Variants in SDK1 observed in about 807,000 individuals in gnomAD.
SDK1 encodes the protein sidekick cell adhesion molecule 1.
In SDK1, 157 loss-of-function variants were observed where a neutral mutation model predicts 245.5. The observed-to-expected ratio is 0.64, with a 90% CI of 0.56 to 0.73. The LOEUF is 0.73. SDK1 is among the 30% of genes least tolerant of loss of function. The pLI, the probability that SDK1 is intolerant of heterozygous loss-of-function variation, is 0.00. For synonymous variants in SDK1, 1,647 were observed against 1,278.5 expected, an observed-to-expected ratio of 1.29 and a Z score of -6.15; for missense variants, 3,583 against 3,002.3, an observed-to-expected ratio of 1.19 and a Z score of -4.52.
At chr7:3,651,584 C>T (rs180808238) in intron 4 of SDK1, among the ~76,000 whole-genome samples, 21 of 152,150 alleles carry the variant, frequency 1.4e-4, no homozygotes, top group African/African-American at 4.6e-4. Flanking sequence ...AATCAATAGA[C>T]GTCCGATGGA....
intron 44 of SDK1, among the ~76,000 whole-genome samples, chr7:4,250,935 C>T (rs1418232915): frequency 6.6e-6 from 1 of 152,166 alleles, no homozygotes; most frequent in African/African-American, 2.4e-5. Context: ...CTCTACCAGT[C>T]ACCTCCCATT....
At chr7:3,859,672 T>G (rs999247628) in intron 5 of SDK1, among the ~76,000 whole-genome samples, 3 of 152,120 alleles carry the variant, frequency 2.0e-5, no homozygotes, top group African/African-American at 7.2e-5. Flanking sequence ...AAGGCCAACT[T>G]CCATTACCAT....
At chr7:4,217,129 C>T (rs1217379395) in intron 38 of SDK1, among the ~76,000 whole-genome samples, 2 of 86,748 alleles carry the variant, frequency 2.3e-5, no homozygotes, top group African/African-American at 4.7e-5. Flanking sequence ...CCACACCACC[C>T]GGAGCACCAG....
At chr7:3,591,963 A>T (rs1780889257) in intron 1 of SDK1, among the ~76,000 whole-genome samples, 1 of 152,240 alleles carries the variant, frequency 6.6e-6, no homozygotes, top group Admixed American at 6.5e-5. Flanking sequence ...AGATGCCCGG[A>T]TACAGATGAC....
intron 1 of SDK1, among the ~76,000 whole-genome samples, chr7:3,602,459 C>T (rs1226144402): frequency 2.0e-5 from 3 of 152,100 alleles, no homozygotes; most frequent in Non-Finnish European, 4.4e-5. Context: ...TGTCTTTTGG[C>T]TGCATAAATG....
intron 38 of SDK1, among the ~76,000 whole-genome samples, chr7:4,214,954 T>C (rs1482506803): frequency 6.6e-6 from 1 of 152,176 alleles, no homozygotes; most frequent in Non-Finnish European, 1.5e-5. Flanking sequence ...TCCTGGCTTC[T>C]CCCTCGGGCA....
At chr7:3,637,270 T>C (rs553171854) in intron 2 of SDK1, among the ~76,000 whole-genome samples, 28 of 152,294 alleles carry the variant, frequency 1.8e-4, no homozygotes, top group Admixed American at 9.2e-4. Flanking sequence ...CTAATTTTTG[T>C]ATTTTTAGTA....
chr7:3,987,464 C>G, intron 14 of SDK1, 142 bp downstream of exon 14: 2 of 876,260 alleles, frequency 2.3e-6, no homozygotes, highest in Non-Finnish European at 3.5e-6. Flanking sequence ...CAAACACAGC[C>G]TGCCCTTTAG....
At chr7:3,546,304 C>G (rs1212967550) in intron 1 of SDK1, among the ~76,000 whole-genome samples, 1 of 152,212 alleles carries the variant, frequency 6.6e-6, no homozygotes, top group Non-Finnish European at 1.5e-5. Flanking sequence ...ATCCTCCATG[C>G]TCCCTAATAA....
At chr7:3,951,176 G>A in intron 6 of SDK1, 142 bp downstream of exon 6, 1 of 643,522 alleles carries the variant, frequency 1.6e-6, no homozygotes. Flanking sequence ...ATGAATACGA[G>A]ATATGGGTAG....
At chr7:3,351,419 A>G (rs1179887190) in intron 1 of SDK1, among the ~76,000 whole-genome samples, 1 of 150,954 alleles carries the variant, frequency 6.6e-6, no homozygotes, top group African/African-American at 2.5e-5. Context: ...GAAAAACAGA[A>G]AGCACACAAT....
chr7:3,580,852 C>T (rs1214613162), intron 1 of SDK1, among the ~76,000 whole-genome samples: 1 of 151,002 alleles, frequency 6.6e-6, no homozygotes, highest in Admixed American at 6.6e-5. Context: ...CCTGTAGTCC[C>T]AGCTACTCGG....
chr7:3,358,515 TAGTG>T (rs1780869198), intron 1 of SDK1, among the ~76,000 whole-genome samples: 1 of 151,992 alleles, frequency 6.6e-6, no homozygotes, highest in Non-Finnish European at 1.5e-5. Flanking sequence ...AACCCATAGG[TAGTG>T]TGCCCAGAGT....
intron 41 of SDK1, among the ~76,000 whole-genome samples, chr7:4,237,203 T>C (rs1487159976): frequency 1.3e-5 from 2 of 152,032 alleles, no homozygotes; most frequent in East Asian, 3.9e-4. Context: ...TTTTTTTGTT[T>C]TGTTTTGTTT....
intron 4 of SDK1, among the ~76,000 whole-genome samples, chr7:3,784,371 A>C (rs1780838033): frequency 6.6e-6 from 1 of 152,138 alleles, no homozygotes; most frequent in Admixed American, 6.5e-5. Context: ...TATAAAAATC[A>C]ACTCAAAATG....
At chr7:3,652,002 G>A (rs1783027740) in intron 4 of SDK1, among the ~76,000 whole-genome samples, 1 of 152,186 alleles carries the variant, frequency 6.6e-6, no homozygotes, top group African/African-American at 2.4e-5. Flanking sequence ...CTATGAATGA[G>A]TTTGAGGAAG....
chr7:4,235,074 G>A lies in SDK1; in HGVS notation c.5992+1655G>A, dbSNP rs185268816. ...CTGTGCTCGTCTGTGGGTGAGCGTGGGCCCTAAGCCTGGTACCCTGGCCTG... is the reference window on the plus strand; with the variant it reads ...CTGTGCTCGTCTGTGGGTGAGCGTGAGCCCTAAGCCTGGTACCCTGGCCTG... On this transcript the variant is annotated intron_variant, in intron 41 of 44. Coordinates refer to ENST00000404826, the MANE Select transcript of SDK1 (RefSeq NM_152744.4). 1.1e-3 allele frequency among the ~76,000 whole-genome samples: 173 copies of A among 152,214 alleles called. 1 individual carries two copies. Among genetic ancestry groups the A allele is most frequent in the Non-Finnish European group, 2.1e-3 (145 of 67,980 alleles).
chr7:3,330,248 A>C (rs973478251), intron 1 of SDK1, among the ~76,000 whole-genome samples: 26 of 152,214 alleles, frequency 1.7e-4, no homozygotes, highest in African/African-American at 6.3e-4. Context: ...CTGTTTAAGC[A>C]TTTGATGAAC....
chr7:3,814,656 A>G (rs975492919), intron 4 of SDK1, among the ~76,000 whole-genome samples: 11 of 152,162 alleles, frequency 7.2e-5, no homozygotes, highest in Admixed American at 5.2e-4. Context: ...GAAGAAAGTC[A>G]TTGGTAGCTT....
Sources: gnomAD v4.1 joint callset for allele counts (sites outside exome capture counted in the v4.1 genomes callset) on GRCh38, gnomAD v4.1.1 for gene constraint, MANE v1.5 for transcripts, NCBI Gene and HGNC (gene_info 2026-07-23, HGNC 2026-07-21) for gene names.